Variants in NINL observed in about 807,000 individuals in gnomAD.
NINL encodes the protein ninein like.
NINL carries 153 observed loss-of-function variants against 160.3 expected under a neutral mutation model. That is an observed-to-expected ratio of 0.95 (90% CI 0.84 to 1.09). The LOEUF (loss-of-function observed/expected upper bound fraction) is 1.09, where lower values mean the gene tolerates loss of function less well. Among genes scored for constraint, NINL ranks in the 50% least tolerant of loss-of-function variants. The probability of loss-of-function intolerance (pLI) is 0.00; values close to 1 mark genes in which losing one functional copy is unlikely to be tolerated. For synonymous variants in NINL, 800 were observed against 734.8 expected (o/e 1.09, Z -1.43); for missense variants, 1,829 against 1,764.0 (o/e 1.04, Z -0.66).
At chr20:25,542,791 G>A (rs1334099005) in intron 1 of NINL, among the ~76,000 whole-genome samples, 3 of 147,826 alleles carry the variant, frequency 2.0e-5, no homozygotes, top group Non-Finnish European at 3.0e-5. Flanking sequence ...AGCACTTTGG[G>A]AGGCTGAGGC....
intron 1 of NINL, among the ~76,000 whole-genome samples, chr20:25,556,259 G>A (rs187432339): frequency 6.6e-6 from 1 of 152,144 alleles, no homozygotes; most frequent in African/African-American, 2.4e-5. Flanking sequence ...ACTCTAGCCT[G>A]GGTGACAGAG....
chr20:25,580,906 T>C (rs1310827715), intron 1 of NINL, among the ~76,000 whole-genome samples: 1 of 152,202 alleles, frequency 6.6e-6, no homozygotes, highest in Non-Finnish European at 1.5e-5. Flanking sequence ...AACTCAAACC[T>C]AGATTCCAGT....
chr20:25,479,269 T>C, intron 15 of NINL, 63 bp from the exon 16 acceptor site: 2 of 1,533,298 alleles, frequency 1.3e-6, no homozygotes, highest in East Asian at 4.5e-5. Context: ...GCTGCTGACG[T>C]AACACAGAAA....
intron 1 of NINL, among the ~76,000 whole-genome samples, chr20:25,581,437 T>C (rs1256205417): frequency 2.6e-5 from 2 of 76,264 alleles, no homozygotes; most frequent in Admixed American, 1.8e-4. Flanking sequence ...GCGAGACTCC[T>C]TCTCAGTTTA....
At chr20:25,515,690 G>A (rs1417723154) in intron 3 of NINL, among the ~76,000 whole-genome samples, 1 of 152,148 alleles carries the variant, frequency 6.6e-6, no homozygotes, top group Non-Finnish European at 1.5e-5. Context: ...AATCATGGAG[G>A]CAGAACTTCC....
chr20:25,514,599 A>G (rs447808), intron 3 of NINL, among the ~76,000 whole-genome samples: 22,417 of 152,200 alleles, frequency 0.15, 3,374 homozygotes, highest in African/African-American at 0.39. Context: ...AGACAATGGA[A>G]GAAATGCCTG....
At chr20:25,546,754 A>G (rs1397618217) in intron 1 of NINL, among the ~76,000 whole-genome samples, 2 of 151,898 alleles carry the variant, frequency 1.3e-5, no homozygotes, top group African/African-American at 4.8e-5. Flanking sequence ...GCTCATCGGG[A>G]GAGATACAAA....
chr20:25,522,923 G>A (rs1004323793), intron 2 of NINL, among the ~76,000 whole-genome samples: 2 of 152,184 alleles, frequency 1.3e-5, no homozygotes, highest in African/African-American at 4.8e-5. Context: ...GTGATCTAGA[G>A]GTACTTTCAA....
chr20:25,468,198 G>A (rs538188463), intron 18 of NINL, among the ~76,000 whole-genome samples: 99 of 133,466 alleles, frequency 7.4e-4, no homozygotes, highest in African/African-American at 2.4e-3. Flanking sequence ...GCACTGAGGG[G>A]ACACTCCTGC....
At chr20:25,503,425 G>A (rs571092925) in intron 7 of NINL, among the ~76,000 whole-genome samples, 3,638 of 128,134 alleles carry the variant, frequency 0.028, 72 homozygotes, top group Non-Finnish European at 0.043. Flanking sequence ...ACTGCCTCCT[G>A]TAACCCCAGG....
At chr20:25,566,362 C>G (rs1421086588) in intron 1 of NINL, among the ~76,000 whole-genome samples, 1 of 151,842 alleles carries the variant, frequency 6.6e-6, no homozygotes, top group Non-Finnish European at 1.5e-5. Flanking sequence ...TCCTATAGCC[C>G]AATCAATACA....
intron 2 of NINL, among the ~76,000 whole-genome samples, chr20:25,524,486 C>A (rs984399614): frequency 6.6e-6 from 1 of 152,152 alleles, no homozygotes; most frequent in African/African-American, 2.4e-5. Context: ...TCAGAAAGGG[C>A]CCGGCTCCTG....
At chr20:25,465,131 C>A (rs2062880751) in intron 19 of NINL, among the ~76,000 whole-genome samples, 1 of 152,192 alleles carries the variant, frequency 6.6e-6, no homozygotes, top group Non-Finnish European at 1.5e-5. Context: ...GGCCTAATTT[C>A]CAGTTTACAA....
rs1290414989 is a variant in NINL, at chr20:25,453,287, C to G, written c.*164G>C. ...ATATTCCCCCAGCCCCCACCTCCAT[C>G]TTGCCCAGGGCAGACCATTCATTAA... On this transcript the variant is annotated 3_prime_UTR_variant, in exon 24 of 24. Coordinates refer to ENST00000278886, the MANE Select transcript of NINL (RefSeq NM_025176.6). The G allele has an allele frequency of 3.8e-6, 2 of 527,196 alleles. No individual in the cohort carries two copies. The highest frequency in any genetic ancestry group is 6.2e-6 in the Non-Finnish European group (2 of 323,952). The allele number at this position is 527,196 out of a possible 1,614,324, so 32.7% of individuals were successfully genotyped here. A position where few individuals can be genotyped will look rare whatever the true frequency, so the allele number is the denominator to read the frequency against.
intron 7 of NINL, among the ~76,000 whole-genome samples, chr20:25,502,901 C>T (rs2063895671): frequency 6.6e-6 from 1 of 152,230 alleles, no homozygotes; most frequent in African/African-American, 2.4e-5. Context: ...TTAATTAAAC[C>T]TCTTTTCTTT....
At chr20:25,547,491 G>A (rs2064750054) in intron 1 of NINL, among the ~76,000 whole-genome samples, 2 of 152,190 alleles carry the variant, frequency 1.3e-5, no homozygotes, top group South Asian at 4.1e-4. Flanking sequence ...ACTGCCTTCT[G>A]AACTGGGGGA....
At chr20:25,536,195 C>T (rs2064553143) in intron 1 of NINL, among the ~76,000 whole-genome samples, 5 of 152,106 alleles carry the variant, frequency 3.3e-5, no homozygotes, top group Admixed American at 3.3e-4. Context: ...CACACTTCGG[C>T]AAAATAAGGG....
intron 13 of NINL, 76 bp from the exon 14 acceptor site, chr20:25,482,176 A>T (rs2146587856): frequency 1.3e-6 from 2 of 1,520,766 alleles, no homozygotes; most frequent in Non-Finnish European, 1.8e-6. Context: ...GCTGGCCTCC[A>T]GGGGGGTCCC....
Position 25,453,567 on chromosome 20 carries a change from G to T in NINL, c.4033C>A (p.Gln1345Lys), listed in dbSNP as rs755230297. Residue 1345 changes from glutamine (Q) to lysine (K), a missense_variant, in exon 24 of 24, where the codon CAG becomes AAG. By Grantham distance (53) the Gln-to-Lys change is moderately conservative. Transcript: ENST00000278886. The stretch of plus-strand genomic sequence containing the variant: ...CCTCGCTGCTTCTCCTCGGTGGCCT[G>T]AAGTGCTCTCACCAGGTGGGCGTTC... ...VENAHLVRAL[Q>K]ATEEKQRGAE... The T allele has an allele frequency of 1.2e-6, 2 of 1,614,192 alleles. No individual in the cohort carries two copies. The highest frequency in any genetic ancestry group is 1.7e-5 in the Admixed American group (1 of 60,032).
Sources: gnomAD v4.1 joint callset for allele counts (sites outside exome capture counted in the v4.1 genomes callset) on GRCh38, gnomAD v4.1.1 for gene constraint, MANE v1.5 for transcripts, NCBI Gene and HGNC (gene_info 2026-07-23, HGNC 2026-07-21) for gene names.